Variants in TJP2 observed in about 807,000 individuals in gnomAD.
TJP2 encodes the protein Friedreich ataxia region gene X104 (tight junction protein ZO-2).
Under a neutral mutation model 133.1 loss-of-function variants are expected in TJP2, and 91 were observed. That is an observed-to-expected ratio of 0.68 (90% CI 0.58 to 0.81). TJP2 has a LOEUF of 0.81. Among genes scored for constraint, TJP2 ranks in the 40% least tolerant of loss-of-function variants. TJP2 has a pLI of 0.00. For synonymous variants in TJP2, 592 were observed against 583.4 expected, an observed-to-expected ratio of 1.01 and a Z score of -0.21; for missense variants, 1,541 against 1,565.6, an observed-to-expected ratio of 0.98 and a Z score of 0.26.
intron 11 of TJP2, 40 bp from the exon 12 acceptor site, chr9:69,234,399 T>TTTTTTTTTTTTTC: frequency 3.9e-6 from 1 of 254,818 alleles, no homozygotes; most frequent in Non-Finnish European, 6.2e-6. Context: ...TCTTTCTTTC[T>TTTTTTTTTTTTTC]TTTTTTTTTT....
At chr9:69,234,214 C>CA in intron 11 of TJP2, among the ~76,000 whole-genome samples, 1 of 152,210 alleles carries the variant, frequency 6.6e-6, no homozygotes, top group South Asian at 2.1e-4. Context: ...TATGGGGAGG[C>CA]AGGAAGGTAT....
At chr9:69,239,368 C>A (rs188833663) in intron 16 of TJP2, among the ~76,000 whole-genome samples, 21 of 152,158 alleles carry the variant, frequency 1.4e-4, no homozygotes, top group Admixed American at 1.2e-3. Context: ...AAACCAGTCA[C>A]TGTTACTGTT....
chr9:69,205,116 A>C, intron 1 of TJP2: 2 of 1,535,746 alleles, frequency 1.3e-6, no homozygotes, highest in Non-Finnish European at 1.7e-6. Flanking sequence ...ATGGGTGAGC[A>C]GCCCGGAATG....
At chr9:69,185,009 C>T (rs139367036) in intron 1 of TJP2, among the ~76,000 whole-genome samples, 7 of 151,506 alleles carry the variant, frequency 4.6e-5, no homozygotes, top group East Asian at 3.9e-4. Flanking sequence ...CTCGGCCTCC[C>T]GAAGTGCTAG....
At position 69,220,999 on chromosome 9, in the gene TJP2, G is replaced by A. The variant is rs1175132375; in HGVS notation, c.455G>A (p.Arg152Gln). 3.7e-6 allele frequency: 6 copies of A among 1,612,248 alleles called. No individual in the cohort carries two copies. The highest frequency in any genetic ancestry group is 5.1e-6 in the Non-Finnish European group (6 of 1,179,622). Residue 152 changes from arginine (R) to glutamine (Q), a missense_variant, in exon 5 of 23, where the codon CGG (arginine) becomes CAG (glutamine). Physicochemically the swap from Arg to Gln is conservative, Grantham distance 43. Transcript: ENST00000377245. ...GACGAGTTTGATGGCAGAAGTTTCC[G>A]GAGTGGCTACAGCGAGAGGAGCCGG... ...VMDEFDGRSF[R>Q]SGYSERSRLN...
Position 69,237,113 on chromosome 9 carries a change from A to G in TJP2, c.2156A>G (p.Tyr719Cys), listed in dbSNP as rs1210766101. The G allele has an allele frequency of 3.1e-6, 5 of 1,613,998 alleles. No individual in the cohort carries two copies. Among genetic ancestry groups the G allele is most frequent in the Non-Finnish European group, 4.2e-6 (5 of 1,180,018 alleles). Residue 719 changes from tyrosine to cysteine, a missense_variant, in exon 14 of 23, where the codon TAT becomes TGT. Coordinates refer to ENST00000377245, the MANE Select transcript of TJP2 (RefSeq NM_004817.4). The part of the protein sequence containing the change: ...VVSVSTKFPA[Y>C]ERVLLREAGF... ...TCTGTCAGCACCAAGTTCCCAGCTT[A>G]TGAGAGGGTTTTGCTGCGAGAAGGT...
chr9:69,178,767 A>G (rs758568791), intron 1 of TJP2, among the ~76,000 whole-genome samples: 12 of 152,126 alleles, frequency 7.9e-5, no homozygotes, highest in Non-Finnish European at 1.6e-4. Flanking sequence ...CAGTTTTTAA[A>G]GGTCTGTTGG....
At chr9:69,242,283 C>T (rs79539277) in intron 17 of TJP2, among the ~76,000 whole-genome samples, 62 of 152,252 alleles carry the variant, frequency 4.1e-4, no homozygotes, top group East Asian at 2.7e-3. Flanking sequence ...TTAGCAACAC[C>T]TCTGTTAGCT....
At chr9:69,147,403 A>T (rs1823259231) in intron 1 of TJP2, among the ~76,000 whole-genome samples, 3 of 152,190 alleles carry the variant, frequency 2.0e-5, no homozygotes, top group Admixed American at 2.0e-4. Context: ...ACCTATGATT[A>T]GGGAATTGGG....
In TJP2 at chr9:69,229,249, G is replaced by T. The variant is rs765676692; in HGVS notation, c.1519G>T (p.Gly507Cys). The change falls in exon 10 of 23, where the codon GGC (glycine) becomes TGC (cysteine). Residue 507 changes from glycine (G) to cysteine (C), a missense_variant and splice_region_variant. Coordinates refer to ENST00000377245, the MANE Select transcript of TJP2 (RefSeq NM_004817.4). ...TAGTCCTGAAGATGAAGCAATATATGGGTATGTATTTCCGTCTCTCTTTGT... is the reference window on the plus strand; with the variant it reads ...TAGTCCTGAAGATGAAGCAATATATTGGTATGTATTTCCGTCTCTCTTTGT... The part of the protein sequence containing the change: ...RPSPEDEAIY[G>C]PNTKMVRFKK... 6.2e-7 allele frequency: 1 copy of T among 1,613,370 alleles called. No homozygotes were observed. The highest frequency in any genetic ancestry group is 8.5e-7 in the Non-Finnish European group (1 of 1,179,508).
chr9:69,200,118 A>C (rs186462902), intron 1 of TJP2, among the ~76,000 whole-genome samples: 2 of 152,114 alleles, frequency 1.3e-5, no homozygotes, highest in East Asian at 3.9e-4. Context: ...GAGAACGTGA[A>C]ATCCTGTGTG....
In TJP2 at chr9:69,225,285, TTA is replaced by T. The variant is rs759354372; in HGVS notation, c.953-17_953-16del. 1.7e-5 allele frequency: 26 copies of T among 1,511,238 alleles called. No individual in the cohort carries two copies. In the Middle Eastern group the frequency reaches 2.0e-3, roughly 119 times the overall value. 93.6% of individuals were successfully genotyped at this position (1,511,238 alleles called of 1,614,324 possible). ...ACAAATTGATAACATACGTGTATGT[TTA>T]TGTGTTTGTCTCCTAGAGTATGGTC... is the stretch of plus-strand genomic sequence containing the variant. On this transcript the variant is annotated splice_polypyrimidine_tract_variant and intron_variant, in intron 5 of 22. Transcript: ENST00000377245.
intron 1 of TJP2, among the ~76,000 whole-genome samples, chr9:69,130,050 A>G (rs2133231906): frequency 6.6e-6 from 1 of 152,096 alleles, no homozygotes; most frequent in South Asian, 2.1e-4. Flanking sequence ...AAAAAAAAGA[A>G]AAAGAAAGTA....
intron 1 of TJP2, among the ~76,000 whole-genome samples, chr9:69,203,606 G>GCTT (rs1330482251): frequency 1.7e-5 from 1 of 57,584 alleles, no homozygotes; most frequent in Non-Finnish European, 3.7e-5. Context: ...GCCCAGCCTG[G>GCTT]ATTTTTTTTT....
In TJP2 at chr9:69,239,966, G is replaced by T. The variant is rs750980357; in HGVS notation, c.2385G>T (p.Pro795=). 2 of 1,614,116 alleles carry T rather than the reference G, an allele frequency of 1.2e-6. No homozygotes were observed. The highest frequency in any genetic ancestry group is 8.5e-7 in the Non-Finnish European group (1 of 1,180,026). ...AGCATGCACTACTGGATGTGACTCC[G>T]AAAGCTGTGGACCTGTTGAATTACA... The part of the protein sequence containing the change: ...QDKHALLDVT[P]KAVDLLNYTQ... The change falls in exon 17 of 23, where the codon CCG becomes CCT. Residue 795 remains proline, a synonymous_variant. Transcript: ENST00000377245.
chr9:69,212,332 A>G (rs746969507), intron 1 of TJP2, among the ~76,000 whole-genome samples: 1 of 152,222 alleles, frequency 6.6e-6, no homozygotes, highest in Non-Finnish European at 1.5e-5. Context: ...GTCTCTCACT[A>G]TGTATTTCAC....
At chr9:69,146,839 G>A (rs1056432854) in intron 1 of TJP2, among the ~76,000 whole-genome samples, 4 of 152,092 alleles carry the variant, frequency 2.6e-5, no homozygotes, top group Admixed American at 6.5e-5. Flanking sequence ...CTGCAACAAC[G>A]AATTATCCAG....
chr9:69,164,103 T>A (rs931176378), intron 2 of TJP2, among the ~76,000 whole-genome samples: 28 of 152,188 alleles, frequency 1.8e-4, no homozygotes, highest in Non-Finnish European at 2.1e-4. Context: ...TTATTGAACA[T>A]CTCCCGGAGG....
chr9:69,218,890 G>A (rs2133255081), intron 4 of TJP2, among the ~76,000 whole-genome samples: 1 of 145,142 alleles, frequency 6.9e-6, no homozygotes, highest in African/African-American at 2.6e-5. Context: ...GACACACACA[G>A]TGAGAATGGT....
Sources: allele counts gnomAD v4.1 joint callset (sites outside exome capture counted in the v4.1 genomes callset), GRCh38; gene constraint gnomAD v4.1.1; transcripts MANE v1.5; gene names NCBI Gene and HGNC (gene_info 2026-07-23, HGNC 2026-07-21).